ENOX1: variants seen among roughly 807,000 people sequenced by gnomAD.
ENOX1 encodes candidate growth-related and time keeping constitutive hydroquinone (NADH) oxidase.
Under a neutral mutation model 82.5 loss-of-function variants are expected in ENOX1, and 42 were observed. The ratio of observed to expected loss-of-function variants is 0.51; its 90% CI spans 0.40 to 0.66. The LOEUF (loss-of-function observed/expected upper bound fraction) is 0.66, where lower values mean the gene tolerates loss of function less well. Among genes scored for constraint, ENOX1 ranks in the 30% least tolerant of loss-of-function variants. The pLI is 0.00. For missense variants in ENOX1, 608 were observed against 811.6 expected (o/e 0.75, Z 3.05); for synonymous variants, 271 against 282.2 (o/e 0.96, Z 0.40).
At chr13:43,481,460 A>G (rs2058506249) in intron 3 of ENOX1, among the ~76,000 whole-genome samples, 1 of 152,162 alleles carries the variant, frequency 6.6e-6, no homozygotes, top group African/African-American at 2.4e-5. Context: ...GTATATCCAC[A>G]TGCCACAGAA....
intron 2 of ENOX1, among the ~76,000 whole-genome samples, chr13:43,538,139 G>C (rs539331803): frequency 2.0e-5 from 3 of 152,316 alleles, no homozygotes; most frequent in African/African-American, 7.2e-5. Flanking sequence ...CTCCTGCCAG[G>C]TGTGTGCACG....
chr13:43,493,609 A>C (rs556397571), intron 2 of ENOX1, among the ~76,000 whole-genome samples: 1 of 152,322 alleles, frequency 6.6e-6, no homozygotes, highest in South Asian at 2.1e-4. Flanking sequence ...CATTGAAGGC[A>C]GATCTTCCCC....
chr13:43,477,757 T>A (rs968484168), intron 3 of ENOX1, among the ~76,000 whole-genome samples: 8 of 152,180 alleles, frequency 5.3e-5, no homozygotes, highest in Admixed American at 2.0e-4. Context: ...ACACAGTTAA[T>A]AGATGCCAAG....
In ENOX1 at chr13:43,411,985, C is replaced by T. The variant is rs1566151100; in HGVS notation, c.139G>A (p.Ala47Thr). 1.2e-5 allele frequency: 19 copies of T among 1,614,162 alleles called. No homozygotes were observed. The highest frequency in any genetic ancestry group is 1.6e-5 in the Non-Finnish European group (19 of 1,180,030). Residue 47 changes from alanine (A) to threonine (T), a missense_variant, in exon 5 of 17, where the codon GCC (alanine) becomes ACC (threonine). Physicochemically the swap from Ala to Thr is moderately conservative, Grantham distance 58. Transcript: ENST00000690772. ...QLNMSVTDPTAWATAMNNLGM... is the reference protein window; with the variant it reads ...QLNMSVTDPTTWATAMNNLGM... Reference sequence around the variant, plus strand: ...AGGTTATTCATGGCTGTAGCCCAGGCTGTGGGATCTGTCACGGACATGTTG... The same window carrying T: ...AGGTTATTCATGGCTGTAGCCCAGGTTGTGGGATCTGTCACGGACATGTTG...
intron 5 of ENOX1, among the ~76,000 whole-genome samples, chr13:43,405,859 C>T (rs1449411542): frequency 6.6e-6 from 1 of 152,194 alleles, no homozygotes; most frequent in Non-Finnish European, 1.5e-5. Context: ...TCCTGCTACT[C>T]CCCTGCTTAA....
intron 1 of ENOX1, among the ~76,000 whole-genome samples, chr13:43,689,966 CCTT>C (rs1388469108): frequency 3.3e-5 from 5 of 152,130 alleles, no homozygotes; most frequent in African/African-American, 1.2e-4. Flanking sequence ...CATTTTAAGT[CCTT>C]CTCCATTATT....
Position 43,322,376 on chromosome 13 carries a change from G to A in ENOX1, c.1261+8C>T, listed in dbSNP as rs114213966. 6.8e-4 allele frequency: 1,099 copies of A among 1,606,242 alleles called. 3 individuals carry two copies. The African/African-American group carries it at 0.011, about 17-fold the overall frequency. ...ACCTCATGGGTCTGTGGCAGTTATCGGCATTACCTGATTCATCGACTCTCA... is the reference window on the plus strand; with the variant it reads ...ACCTCATGGGTCTGTGGCAGTTATCAGCATTACCTGATTCATCGACTCTCA... On this transcript the variant is annotated splice_region_variant and intron_variant, in intron 11 of 16. Transcript: ENST00000690772.
chr13:43,362,597 T>C (rs1347582863), intron 5 of ENOX1, among the ~76,000 whole-genome samples: 1 of 152,120 alleles, frequency 6.6e-6, no homozygotes, highest in Non-Finnish European at 1.5e-5. Context: ...GTACAGCCTG[T>C]GCCTTAGGCC....
intron 2 of ENOX1, among the ~76,000 whole-genome samples, chr13:43,627,637 T>C (rs542241721): frequency 8.5e-5 from 13 of 152,196 alleles, no homozygotes; most frequent in African/African-American, 3.1e-4. Context: ...ACCAAATATA[T>C]TTATTAAATT....
chr13:43,451,749 A>C (rs1281260400), intron 3 of ENOX1, among the ~76,000 whole-genome samples: 1 of 152,232 alleles, frequency 6.6e-6, no homozygotes, highest in African/African-American at 2.4e-5. Context: ...ATAGCCTTGC[A>C]GTACTGTTTC....
intron 3 of ENOX1, among the ~76,000 whole-genome samples, chr13:43,416,592 C>T (rs1049697744): frequency 6.1e-5 from 9 of 148,396 alleles, no homozygotes; most frequent in African/African-American, 2.0e-4. Context: ...CGGGCAGAGG[C>T]GCTCCTCACT....
At chr13:43,597,542 C>G (rs1376458994) in intron 2 of ENOX1, among the ~76,000 whole-genome samples, 1 of 152,190 alleles carries the variant, frequency 6.6e-6, no homozygotes, top group East Asian at 1.9e-4. Flanking sequence ...ATCTAACCAC[C>G]CAGGTCAAAA....
Position 43,784,261 on chromosome 13 carries a change from A to C in ENOX1, c.-285+2391T>G, listed in dbSNP as rs190169511. 1.4e-4 allele frequency among the ~76,000 whole-genome samples: 21 copies of C among 152,346 alleles called. No homozygotes were observed. In the East Asian group the frequency reaches 4.0e-3, roughly 29 times the overall value. ...TGATTATATACATTCTCCTACATAC[A>C]AACCCATCTAAATTTAATAGGCCCA... On this transcript the variant is annotated intron_variant, in intron 1 of 16. Transcript: ENST00000690772.
chr13:43,654,588 A>G (rs1465689342), intron 2 of ENOX1, among the ~76,000 whole-genome samples: 9 of 152,222 alleles, frequency 5.9e-5, no homozygotes, highest in African/African-American at 2.2e-4. Flanking sequence ...GTAAAAATTA[A>G]TGTATTCTTT....
intron 3 of ENOX1, among the ~76,000 whole-genome samples, chr13:43,430,822 A>C (rs2055611418): frequency 6.6e-6 from 1 of 152,224 alleles, no homozygotes; most frequent in South Asian, 2.1e-4. Flanking sequence ...GTAGCAGTTA[A>C]AAAAATTGCA....
In ENOX1 at chr13:43,779,226, G is replaced by T. The variant is rs889009522; in HGVS notation, c.-285+7426C>A. ...AAAAGCAGATTCTTCCATATCTTAC[G>T]TTGAAGAAGCCAACCTTGTGACAGA... On this transcript the variant is annotated intron_variant, in intron 1 of 16. Coordinates refer to ENST00000690772, the MANE Select transcript of ENOX1 (RefSeq NM_001347969.2). Among the ~76,000 whole-genome samples the T allele has an allele frequency of 3.3e-5, 5 of 149,794 alleles. No homozygotes were observed. The East Asian group carries it at 9.8e-4, about 29-fold the overall frequency.
intron 1 of ENOX1, among the ~76,000 whole-genome samples, chr13:43,781,673 C>A (rs967165539): frequency 1.3e-5 from 2 of 152,104 alleles, no homozygotes; most frequent in African/African-American, 4.8e-5. Context: ...ACCACCATCC[C>A]GGCTAATTTT....
At chr13:43,467,542 T>C in intron 3 of ENOX1, among the ~76,000 whole-genome samples, 1 of 105,950 alleles carries the variant, frequency 9.4e-6, no homozygotes, top group South Asian at 3.0e-4. Flanking sequence ...TTAAAATTTC[T>C]TTATATATCT....
chr13:43,459,400 C>T (rs2057367195), intron 3 of ENOX1: 1 of 152,164 alleles, frequency 6.6e-6, no homozygotes, highest in African/African-American at 2.4e-5. Flanking sequence ...AGGACTATAC[C>T]ATGATACCAG....
Sources: gnomAD v4.1 joint callset for allele counts (sites outside exome capture counted in the v4.1 genomes callset) on GRCh38, gnomAD v4.1.1 for gene constraint, MANE v1.5 for transcripts, NCBI Gene and HGNC (gene_info 2026-07-23, HGNC 2026-07-21) for gene names.